Variants in ITSN2 observed in about 807,000 individuals in gnomAD.
The protein encoded by ITSN2 is intersectin 2, also known as intersectin-2.
In ITSN2, 156 loss-of-function variants were observed where a neutral mutation model predicts 243.7. That is an observed-to-expected ratio of 0.64 (90% CI 0.56 to 0.73). The LOEUF is 0.73. Among genes scored for constraint, ITSN2 ranks in the 30% least tolerant of loss-of-function variants. ITSN2 has a pLI of 0.00. For synonymous variants in ITSN2, 703 were observed against 699.9 expected (o/e 1.00, Z -0.07); for missense variants, 1,801 against 1,996.1 (o/e 0.90, Z 1.86).
chr2:24,304,949 T>C (rs1275594796), intron 8 of ITSN2, among the ~76,000 whole-genome samples: 1 of 152,220 alleles, frequency 6.6e-6, no homozygotes, highest in African/African-American at 2.4e-5. Flanking sequence ...ATATCCTATA[T>C]CCTCTGCTTA....
chr2:24,208,857 G>C (rs1056097575), intron 36 of ITSN2, among the ~76,000 whole-genome samples: 2 of 152,214 alleles, frequency 1.3e-5, no homozygotes, highest in Non-Finnish European at 1.5e-5. Context: ...CTCAGGTGCT[G>C]ATCTGCCATT....
chr2:24,216,383 T>C (rs1276773552), intron 31 of ITSN2, 151 bp from the exon 32 acceptor site: 2 of 582,642 alleles, frequency 3.4e-6, no homozygotes, highest in Non-Finnish European at 2.8e-6. Context: ...GAAGAGGAGA[T>C]AGCTTGGGCC....
intron 15 of ITSN2, among the ~76,000 whole-genome samples, chr2:24,292,232 C>A (rs1362116292): frequency 1.3e-5 from 2 of 152,210 alleles, no homozygotes; most frequent in Admixed American, 1.3e-4. Context: ...AACAGCTGCA[C>A]TGAATTACAT....
At chr2:24,348,741 C>T (rs1042335596) in intron 1 of ITSN2, among the ~76,000 whole-genome samples, 1 of 152,148 alleles carries the variant, frequency 6.6e-6, no homozygotes, top group African/African-American at 2.4e-5. Context: ...TTGGTAGTTT[C>T]ACATCTCAAC....
intron 23 of ITSN2, among the ~76,000 whole-genome samples, chr2:24,255,620 T>C (rs1191406894): frequency 1.3e-5 from 2 of 151,716 alleles, no homozygotes; most frequent in Non-Finnish European, 2.9e-5. Flanking sequence ...AGAGTGAGAC[T>C]CTGTCTTGAA....
intron 17 of ITSN2, 121 bp from the exon 18 acceptor site, chr2:24,275,970 T>A: frequency 1.5e-6 from 1 of 671,464 alleles, no homozygotes; most frequent in South Asian, 3.4e-5. Flanking sequence ...AAATTTAAAA[T>A]ATTTAAAGTT....
chr2:24,295,473 A>AT (rs1680831500), intron 14 of ITSN2, among the ~76,000 whole-genome samples, 191 bp downstream of exon 14: 1 of 151,860 alleles, frequency 6.6e-6, no homozygotes, highest in Admixed American at 6.6e-5. Context: ...TACCCAGCTA[A>AT]TTTTTTTGTA....
intron 31 of ITSN2, 91 bp downstream of exon 31, chr2:24,217,816 T>A: frequency 1.4e-6 from 1 of 722,956 alleles, no homozygotes; most frequent in Non-Finnish European, 2.3e-6. Flanking sequence ...TGAAGTTCCT[T>A]TGCTAAGAAG....
chr2:24,246,026 T>C (rs1673317255), intron 29 of ITSN2, 103 bp downstream of exon 29: 2 of 710,652 alleles, frequency 2.8e-6, no homozygotes, highest in East Asian at 5.5e-5. Context: ...CTACATTTGC[T>C]GTGAGTGCTG....
chr2:24,313,384 C>A, intron 4 of ITSN2, 76 bp downstream of exon 4: 3 of 1,240,518 alleles, frequency 2.4e-6, no homozygotes, highest in Non-Finnish European at 3.4e-6. Context: ...CAACTAAAAA[C>A]AATTTTATGT....
At chr2:24,313,937 A>C (rs1408290177) in intron 3 of ITSN2, among the ~76,000 whole-genome samples, 1 of 152,214 alleles carries the variant, frequency 6.6e-6, no homozygotes, top group Non-Finnish European at 1.5e-5. Context: ...TATACCAATA[A>C]TGTAAGACCC....
chr2:24,328,251 T>G, intron 1 of ITSN2, 136 bp from the exon 2 acceptor site: 1 of 594,210 alleles, frequency 1.7e-6, no homozygotes, highest in Admixed American at 3.1e-5. Flanking sequence ...CTTCTGCTGC[T>G]GCTGAACAGG....
chr2:24,320,240 C>G (rs1286290237), intron 2 of ITSN2, among the ~76,000 whole-genome samples: 6 of 151,838 alleles, frequency 4.0e-5, no homozygotes, highest in African/African-American at 1.2e-4. Flanking sequence ...ATTAGCCAGG[C>G]TGGGCGCGGT....
At chr2:24,303,565 AT>A (rs1682070530) in intron 9 of ITSN2, among the ~76,000 whole-genome samples, 1 of 152,244 alleles carries the variant, frequency 6.6e-6, no homozygotes, top group African/African-American at 2.4e-5. Context: ...AGATTAATCT[AT>A]TGTTGAAGAA....
intron 7 of ITSN2, 21 bp downstream of exon 7, chr2:24,310,262 TG>T: frequency 1.4e-6 from 2 of 1,457,944 alleles, no homozygotes; most frequent in Non-Finnish European, 1.9e-6. Context: ...CATAAAAAGT[TG>T]TCAGAGTTAG....
chr2:24,308,547 T>C (rs1281769700), intron 8 of ITSN2, 70 bp downstream of exon 8: 11 of 986,552 alleles, frequency 1.1e-5, no homozygotes, highest in Non-Finnish European at 1.4e-5. Flanking sequence ...CAAATTCAAA[T>C]GACAGTTCTT....
At chr2:24,337,993 A>C (rs1330234672) in intron 1 of ITSN2, among the ~76,000 whole-genome samples, 1 of 152,144 alleles carries the variant, frequency 6.6e-6, no homozygotes, top group Non-Finnish European at 1.5e-5. Flanking sequence ...CAACCTTCTG[A>C]ATGGACTTCC....
At chr2:24,270,648 TA>T (rs752892600) in intron 20 of ITSN2, 22 bp downstream of exon 20, 2,350 of 1,122,494 alleles carry the variant, frequency 2.1e-3, no homozygotes, top group Non-Finnish European at 2.4e-3. Context: ...TATTCATGAT[TA>T]AAAAAAAAAT....
intron 29 of ITSN2, among the ~76,000 whole-genome samples, chr2:24,223,663 A>G (rs1451634888): frequency 5.5e-5 from 8 of 146,634 alleles, no homozygotes; most frequent in Non-Finnish European, 9.0e-5. Flanking sequence ...TCCAGGCCAG[A>G]TAAGAGTGAG....
Sources: gnomAD v4.1 joint callset for allele counts (sites outside exome capture counted in the v4.1 genomes callset) on GRCh38, gnomAD v4.1.1 for gene constraint, MANE v1.5 for transcripts, NCBI Gene and HGNC (gene_info 2026-07-23, HGNC 2026-07-21) for gene names.